The following PHF12 variants were observed in gnomAD, a reference collection of about 807,000 sequenced individuals.
PHF12 encodes the protein PHD finger protein 12.
Under a neutral mutation model 99.8 loss-of-function variants are expected in PHF12, and 6 were observed. The ratio of observed to expected loss-of-function variants is 0.06; its 90% CI spans 0.03 to 0.12. The LOEUF (loss-of-function observed/expected upper bound fraction) is 0.12. Among genes scored for constraint, PHF12 ranks in the 10% least tolerant of loss-of-function variants. The pLI is 1.00. For missense variants in PHF12, 954 were observed against 1,300.1 expected, an observed-to-expected ratio of 0.73 and a Z score of 4.09; for synonymous variants, 480 against 514.9, an observed-to-expected ratio of 0.93 and a Z score of 0.92.
intron 6 of PHF12, among the ~76,000 whole-genome samples, 199 bp downstream of exon 6, chr17:28,918,944 A>G (rs2040108293): frequency 6.6e-6 from 1 of 152,244 alleles, no homozygotes. Context: ...CTGTATGGGC[A>G]GCTGAAACAA....
chr17:28,946,504 T>C (rs1326042408), intron 2 of PHF12, among the ~76,000 whole-genome samples: 5 of 151,882 alleles, frequency 3.3e-5, no homozygotes, highest in African/African-American at 4.8e-5. Flanking sequence ...CTGTGGTTTA[T>C]AGCTGTGTTA....
intron 2 of PHF12, among the ~76,000 whole-genome samples, chr17:28,931,256 CTTT>C (rs34710675): frequency 2.0e-4 from 25 of 127,508 alleles, no homozygotes; most frequent in Non-Finnish European, 1.7e-4. Context: ...GCCATCATTC[CTTT>C]TTTTTTTTTT....
At position 28,950,722 on chromosome 17, in the gene PHF12, G is replaced by A. The variant is rs2040794928; in HGVS notation, c.66+173C>T. The A allele has an allele frequency of 2.2e-6, 2 of 929,896 alleles. No individual in the cohort carries two copies. The highest frequency in any genetic ancestry group is 3.0e-6 in the Non-Finnish European group (2 of 666,380). 57.6% of individuals were successfully genotyped at this position (929,896 alleles called of 1,614,324 possible). On this transcript the variant is annotated intron_variant, in intron 1 of 14. Coordinates refer to ENST00000332830, the MANE Select transcript of PHF12 (RefSeq NM_001033561.2). This position sits in a 1 kb window ranked among gnomAD's most constrained non-coding sequence, Gnocchi z 5.7. ...AGGTGAAACTGCTGCAAACGTCCTC[G>A]GAGGCTGAGCTCAGCCCCCTAAATT...
At chr17:28,940,597 G>C (rs1006456415) in intron 2 of PHF12, among the ~76,000 whole-genome samples, 19 of 152,182 alleles carry the variant, frequency 1.2e-4, no homozygotes, top group African/African-American at 4.3e-4. Flanking sequence ...CACACAAAAT[G>C]TGCTAAAACC....
chr17:28,921,333 A>C (rs1038613651), intron 5 of PHF12, among the ~76,000 whole-genome samples: 1 of 152,010 alleles, frequency 6.6e-6, no homozygotes, highest in African/African-American at 2.4e-5. Flanking sequence ...TGGTTCATTA[A>C]AAAAATTTTT....
intron 7 of PHF12, among the ~76,000 whole-genome samples, chr17:28,915,486 G>A (rs902813563): frequency 3.3e-5 from 5 of 152,140 alleles, no homozygotes; most frequent in Non-Finnish European, 5.9e-5. Flanking sequence ...CTGGATATAA[G>A]GAGAAAGGCA....
chr17:28,921,375 C>T (rs955223796), intron 5 of PHF12, among the ~76,000 whole-genome samples: 13 of 151,706 alleles, frequency 8.6e-5, no homozygotes, highest in African/African-American at 2.9e-4. Flanking sequence ...CTGTGTTGCC[C>T]AGGTTGGTCT....
intron 12 of PHF12, 157 bp downstream of exon 12, chr17:28,908,626 C>T: frequency 2.9e-6 from 2 of 700,858 alleles, no homozygotes; most frequent in Non-Finnish European, 4.8e-6. Flanking sequence ...GGCTGATTGT[C>T]TCTATTCTTA....
intron 2 of PHF12, among the ~76,000 whole-genome samples, chr17:28,943,625 G>A (rs1567971979): frequency 6.7e-6 from 1 of 150,298 alleles, no homozygotes; most frequent in South Asian, 2.1e-4. Flanking sequence ...GCTAGACTCT[G>A]TCTCAAAAAA....
chr17:28,944,699 C>T (rs759411218), intron 2 of PHF12: 3 of 157,662 alleles, frequency 1.9e-5, no homozygotes, highest in African/African-American at 7.2e-5. Context: ...TAATTCAACA[C>T]AGAAAATGCA....
In PHF12 at chr17:28,906,358, A is replaced by G; in HGVS notation, c.2840T>C (p.Leu947Pro). 6.2e-7 allele frequency: 1 copy of G among 1,614,228 alleles called. No homozygotes were observed. The highest frequency in any genetic ancestry group is 8.5e-7 in the Non-Finnish European group (1 of 1,180,034). The change falls in exon 15 of 15, where the codon CTG becomes CCG. Residue 947 changes from leucine to proline, a missense_variant. By Grantham distance (98) the Leu-to-Pro change is moderately conservative. This residue lies in a region of PHF12 where 136 missense variants were observed against 172.3 expected (regional missense o/e 0.79). Transcript: ENST00000332830. The surrounding 1 kb of genome is among the most constrained non-coding windows in gnomAD (Gnocchi z 4.2). ...CAGCTTGATGTAGCTGCCATGGTGC[A>G]GTAAGGCTGTGCCCTCCCAGCCGGC... is the stretch of plus-strand genomic sequence containing the variant. ...SGAGWEGTAL[L>P]HHGSYIKLGC...
intron 2 of PHF12, among the ~76,000 whole-genome samples, chr17:28,930,784 C>T (rs1031422830): frequency 3.3e-5 from 5 of 152,184 alleles, no homozygotes; most frequent in African/African-American, 9.7e-5. Context: ...TAAGAACACA[C>T]TTCTGGCCGG....
rs776585323 is a variant in PHF12 at position 28,951,403 on chromosome 17, G to A, written c.-443C>T. ...GGAGGGTGATGGGGGGTGGTCCCCGGGCTCCGCCTCTCGCCGCCGCCGCCG... is the reference window on the plus strand; with the variant it reads ...GGAGGGTGATGGGGGGTGGTCCCCGAGCTCCGCCTCTCGCCGCCGCCGCCG... On this transcript the variant is annotated 5_prime_UTR_variant, in exon 1 of 15. Transcript: ENST00000332830. 3.0e-6 allele frequency: 3 copies of A among 987,898 alleles called. No homozygotes were observed. Among genetic ancestry groups the A allele is most frequent in the Admixed American group, 6.1e-5 (1 of 16,310 alleles). The allele number at this position is 987,898 out of a possible 1,614,324, so 61.2% of individuals were successfully genotyped here.
At chr17:28,944,535 C>T (rs1218519116) in intron 2 of PHF12, 1 of 982,856 alleles carries the variant, frequency 1.0e-6, no homozygotes, top group Non-Finnish European at 1.2e-6. Context: ...ACCAGTAAGA[C>T]AACATGACAC....
chr17:28,920,233 A>G (rs1339510676), intron 5 of PHF12, among the ~76,000 whole-genome samples: 4 of 152,106 alleles, frequency 2.6e-5, no homozygotes, highest in African/African-American at 9.7e-5. Context: ...CCACTCTACT[A>G]TCTAGTTCCC....
At chr17:28,922,195 T>C (rs2040179080) in intron 4 of PHF12, among the ~76,000 whole-genome samples, 2 of 152,168 alleles carry the variant, frequency 1.3e-5, no homozygotes, top group Non-Finnish European at 2.9e-5. Flanking sequence ...CTCAAGCAAC[T>C]TTCCTGCCTC....
intron 3 of PHF12, chr17:28,925,285 T>TCTC (rs770918647): frequency 1.9e-4 from 29 of 152,130 alleles, no homozygotes; most frequent in Non-Finnish European, 3.5e-4. Context: ...GAAAAATCTT[T>TCTC]CTCCTCCTCC....
At chr17:28,930,496 A>AC (rs2040377428) in intron 2 of PHF12, among the ~76,000 whole-genome samples, 1 of 152,196 alleles carries the variant, frequency 6.6e-6, no homozygotes, top group Non-Finnish European at 1.5e-5. Context: ...AGGTAATGCA[A>AC]TGGGGCAGGC....
At chr17:28,912,452 C>T (rs766906391) in intron 9 of PHF12, 30 bp downstream of exon 9, 156 of 1,534,060 alleles carry the variant, frequency 1.0e-4, no homozygotes, top group Admixed American at 3.8e-4. Flanking sequence ...AAAATTATTC[C>T]AAATCAACCC....
Sources: allele counts gnomAD v4.1 joint callset (sites outside exome capture counted in the v4.1 genomes callset), GRCh38; gene constraint gnomAD v4.1.1; regional missense constraint gnomAD v4.1.1; non-coding constraint Gnocchi (gnomAD v3.1); transcripts MANE v1.5; gene names NCBI Gene and HGNC (gene_info 2026-07-23, HGNC 2026-07-21).